SPACA7: variants seen among roughly 807,000 people sequenced by gnomAD.
SPACA7 encodes the protein sperm acrosome-associated protein 7.
In SPACA7, 19 loss-of-function variants were observed where a neutral mutation model predicts 26.3. The observed-to-expected ratio is 0.72, with a 90% confidence interval of 0.50 to 1.06. The LOEUF is 1.06. Among genes scored for constraint, SPACA7 ranks in the 50% least tolerant of loss-of-function variants. The pLI, the probability that SPACA7 is intolerant of heterozygous loss-of-function variation, is 0.00. For synonymous variants in SPACA7, 84 were observed against 84.5 expected, an observed-to-expected ratio of 0.99 and a Z score of 0.04; for missense variants, 211 against 229.9, an observed-to-expected ratio of 0.92 and a Z score of 0.53.
chr13:112,383,187 A>C (rs1356319335), intron 1 of SPACA7, among the ~76,000 whole-genome samples: 1 of 139,982 alleles, frequency 7.1e-6, no homozygotes. Flanking sequence ...GAAAGAAAGA[A>C]AGAAAGAAAA....
intron 5 of SPACA7, among the ~76,000 whole-genome samples, chr13:112,427,602 A>T: frequency 6.6e-6 from 1 of 152,192 alleles, no homozygotes; most frequent in East Asian, 1.9e-4. Context: ...AATTTTCTAG[A>T]TACATTCATA....
intron 4 of SPACA7, among the ~76,000 whole-genome samples, chr13:112,399,717 C>G (rs911135505): frequency 6.6e-5 from 10 of 152,156 alleles, no homozygotes; most frequent in African/African-American, 2.4e-4. Context: ...ATATATATAC[C>G]CAGGTATATG....
At position 112,386,613 on chromosome 13, in the gene SPACA7, C is replaced by CA. The variant is rs529373844; in HGVS notation, c.95-6399dup. On this transcript the variant is annotated intron_variant, in intron 1 of 6. Coordinates refer to ENST00000283550, the MANE Select transcript of SPACA7 (RefSeq NM_145248.5). ...CATGTGTGCCTTAAGGGTGACGAGA[C>CA]AAAAAAAAATGGAGACAAATAGTAC... 8.6e-3 allele frequency among the ~76,000 whole-genome samples: 1,249 copies of CA among 145,778 alleles called. 18 individuals are homozygous for CA. The highest frequency in any genetic ancestry group is 0.029 in the African/African-American group (1,156 of 39,660).
intron 5 of SPACA7, among the ~76,000 whole-genome samples, chr13:112,423,652 T>C (rs943313688): frequency 6.6e-6 from 1 of 152,192 alleles, no homozygotes; most frequent in African/African-American, 2.4e-5. Flanking sequence ...TTTGAAGGAA[T>C]GATTATCAAG....
intron 2 of SPACA7, among the ~76,000 whole-genome samples, chr13:112,395,591 C>T (rs1195430966): frequency 1.3e-5 from 2 of 152,202 alleles, no homozygotes; most frequent in Non-Finnish European, 2.9e-5. Flanking sequence ...CTGCCTCAGC[C>T]TCCCGAGTAG....
At chr13:112,420,197 A>G (rs1359659245) in intron 5 of SPACA7, among the ~76,000 whole-genome samples, 1 of 152,236 alleles carries the variant, frequency 6.6e-6, no homozygotes, top group Non-Finnish European at 1.5e-5. Context: ...ATAAAAAATT[A>G]CAATACACAA....
chr13:112,427,260 G>A (rs548104385), intron 5 of SPACA7, among the ~76,000 whole-genome samples: 7 of 152,228 alleles, frequency 4.6e-5, no homozygotes, highest in Non-Finnish European at 8.8e-5. Context: ...GAAAGAATGA[G>A]CATGGCTGTG....
At chr13:112,397,179 C>T (rs928433621) in intron 2 of SPACA7, among the ~76,000 whole-genome samples, 1 of 152,226 alleles carries the variant, frequency 6.6e-6, no homozygotes, top group African/African-American at 2.4e-5. Flanking sequence ...TCAGCCTCTT[C>T]CCCTTTACCC....
At position 112,380,140 on chromosome 13, in the gene SPACA7, C is replaced by A. The variant is rs138730207; in HGVS notation, c.94+3661C>A. 2.0e-3 allele frequency among the ~76,000 whole-genome samples: 299 copies of A among 152,218 alleles called. 1 individual carries two copies. The highest frequency in any genetic ancestry group is 6.6e-3 in the African/African-American group (276 of 41,538). On this transcript the variant is annotated intron_variant, in intron 1 of 6. Transcript: ENST00000283550. The stretch of plus-strand genomic sequence containing the variant: ...CTTATTAAGAACAGACCAGGCCTGG[C>A]GTGGTGGCTCATGCCTGTAATCCCA...
At position 112,425,813 on chromosome 13, in the gene SPACA7, C is replaced by G. The variant is rs546507453; in HGVS notation, c.446-6631C>G. 5.6e-4 allele frequency among the ~76,000 whole-genome samples: 86 copies of G among 152,268 alleles called. 1 individual carries two copies. Among genetic ancestry groups the G allele is most frequent in the African/African-American group, 1.9e-3 (81 of 41,544 alleles). On this transcript the variant is annotated intron_variant, in intron 5 of 6. Coordinates refer to ENST00000283550, the MANE Select transcript of SPACA7 (RefSeq NM_145248.5). Reference sequence around the variant, plus strand: ...TGAGGTCTGGGAGATGCAAAGCACCCTCTGCCTCCCCACCCTCCATGGCAC... The same window carrying G: ...TGAGGTCTGGGAGATGCAAAGCACCGTCTGCCTCCCCACCCTCCATGGCAC...
intron 5 of SPACA7, among the ~76,000 whole-genome samples, chr13:112,422,944 G>T (rs1876129834): frequency 6.6e-6 from 1 of 152,100 alleles, no homozygotes; most frequent in African/African-American, 2.4e-5. Context: ...CAGATTCATT[G>T]AACAAATCTT....
At chr13:112,402,485 T>C (rs149793494) in intron 5 of SPACA7, among the ~76,000 whole-genome samples, 1 of 152,310 alleles carries the variant, frequency 6.6e-6, no homozygotes, top group Non-Finnish European at 1.5e-5. Flanking sequence ...ATAGAAATGG[T>C]TTTCTTCTTC....
chr13:112,383,145 G>GA (rs747135878), intron 1 of SPACA7, among the ~76,000 whole-genome samples: 24 of 70,654 alleles, frequency 3.4e-4, no homozygotes, highest in African/African-American at 1.7e-3. Flanking sequence ...AAGAAAGAAA[G>GA]AAAGAAAGAA....
chr13:112,399,786 G>A (rs537554185), intron 4 of SPACA7, among the ~76,000 whole-genome samples: 1 of 152,204 alleles, frequency 6.6e-6, no homozygotes, highest in African/African-American at 2.4e-5. Context: ...ATAAAGAAAA[G>A]AGGTTTAATT....
At chr13:112,379,908 A>C (rs1023884966) in intron 1 of SPACA7, among the ~76,000 whole-genome samples, 1 of 152,254 alleles carries the variant, frequency 6.6e-6, no homozygotes, top group Non-Finnish European at 1.5e-5. Flanking sequence ...GTTAAATGAC[A>C]GTAAAGAATT....
intron 1 of SPACA7, among the ~76,000 whole-genome samples, chr13:112,390,385 G>A (rs1437774426): frequency 6.6e-6 from 1 of 152,140 alleles, no homozygotes; most frequent in African/African-American, 2.4e-5. Flanking sequence ...TCAGTAAACG[G>A]AAGAACCTTG....
chr13:112,391,753 A>G (rs1884902661), intron 1 of SPACA7, among the ~76,000 whole-genome samples: 1 of 152,252 alleles, frequency 6.6e-6, no homozygotes, highest in African/African-American at 2.4e-5. Flanking sequence ...CGGGACAGAC[A>G]CAAAATGAAA....
At chr13:112,428,382 C>A (rs567830572) in intron 5 of SPACA7, among the ~76,000 whole-genome samples, 17 of 152,232 alleles carry the variant, frequency 1.1e-4, no homozygotes, top group African/African-American at 4.1e-4. Context: ...GAGTTTGAGA[C>A]CAGCCTGGCC....
chr13:112,418,764 A>T (rs1483014087), intron 5 of SPACA7, among the ~76,000 whole-genome samples: 7 of 152,238 alleles, frequency 4.6e-5, no homozygotes, highest in Non-Finnish European at 1.0e-4. Context: ...TAATAGCATT[A>T]CTAGACTTCA....
Sources: allele counts gnomAD v4.1 joint callset (sites outside exome capture counted in the v4.1 genomes callset), GRCh38; gene constraint gnomAD v4.1.1; transcripts MANE v1.5; gene names NCBI Gene and HGNC (gene_info 2026-07-23, HGNC 2026-07-21).